ITGAL: variants seen among roughly 807,000 people sequenced by gnomAD.
ITGAL encodes the protein integrin alpha-L.
In ITGAL, 68 loss-of-function variants were observed where a neutral mutation model predicts 138.4. That is an observed-to-expected ratio of 0.49 (90% CI 0.40 to 0.60). The LOEUF (loss-of-function observed/expected upper bound fraction) is 0.60. Among genes scored for constraint, ITGAL ranks in the 20% least tolerant of loss-of-function variants. The pLI, the probability that ITGAL is intolerant of heterozygous loss-of-function variation, is 0.00. For synonymous variants in ITGAL, 561 were observed against 584.3 expected (o/e 0.96, Z 0.57); for missense variants, 1,256 against 1,478.6 (o/e 0.85, Z 2.47).
At position 30,521,642 on chromosome 16, in the gene ITGAL, G is replaced by T; in HGVS notation, c.3490G>T (p.Glu1164Ter). ...GAAGCCCCTCCATGAGAAGGACTCT[G>T]AGAGTGGTGGTGGCAAGGACTGAGT... Reference protein sequence around the residue: ...CLKPLHEKDSESGGGKD With the variant: ...CLKPLHEKDS The change falls in exon 31 of 31, where the codon GAG (glutamate) becomes TAG (stop). Residue 1164 changes from glutamate to a stop codon, truncating the protein, a stop_gained. Coordinates refer to ENST00000356798, the MANE Select transcript of ITGAL (RefSeq NM_002209.3). LOFTEE classifies it high-confidence loss of function. 3 of 1,614,044 alleles carry T rather than the reference G, an allele frequency of 1.9e-6. No homozygotes were observed. Among genetic ancestry groups the T allele is most frequent in the Non-Finnish European group, 2.5e-6 (3 of 1,180,034 alleles).
intron 9 of ITGAL, 112 bp downstream of exon 9, chr16:30,484,375 G>A (rs1056681455): frequency 3.5e-5 from 34 of 975,336 alleles, no homozygotes; most frequent in Admixed American, 1.2e-4. Flanking sequence ...TTGGGAGGCC[G>A]AGGCAGGTGG....
chr16:30,505,403 G>T lies in ITGAL; in HGVS notation c.2307G>T (p.Lys769Asn). The T allele has an allele frequency of 6.2e-7, 1 of 1,614,098 alleles. No homozygotes were observed. Among genetic ancestry groups the T allele is most frequent in the African/African-American group, 1.3e-5 (1 of 75,044 alleles). Residue 769 changes from lysine to asparagine, a missense_variant, in exon 20 of 31, where the codon AAG becomes AAT. Physicochemically the swap from Lys to Asn is moderately conservative, Grantham distance 94. Around this residue, in one of 3 missense-constraint regions of ITGAL, gnomAD observed 867 missense variants for 972.5 expected, o/e 0.89. Coordinates refer to ENST00000356798, the MANE Select transcript of ITGAL (RefSeq NM_002209.3). ...TGGTGTTTCAGATCCCTTTTGAGAAGAACTGTGGGGAGGACAAGAAGTGTG... is the reference window on the plus strand; with the variant it reads ...TGGTGTTTCAGATCCCTTTTGAGAATAACTGTGGGGAGGACAAGAAGTGTG... Reference protein sequence around the residue: ...HSETWEIPFEKNCGEDKKCEA... With the variant: ...HSETWEIPFENNCGEDKKCEA...
intron 11 of ITGAL, among the ~76,000 whole-genome samples, chr16:30,492,290 G>A (rs370673326): frequency 5.6e-5 from 8 of 142,328 alleles, no homozygotes; most frequent in South Asian, 2.2e-4. Flanking sequence ...TCTCTCTGTC[G>A]CCCAGGCTGG....
At chr16:30,490,951 CAG>C (rs1201532153) in intron 11 of ITGAL, among the ~76,000 whole-genome samples, 5 of 143,952 alleles carry the variant, frequency 3.5e-5, no homozygotes, top group Non-Finnish European at 7.5e-5. Context: ...GCCTGGGTGA[CAG>C]AGAGAGACTT....
intron 20 of ITGAL, among the ~76,000 whole-genome samples, chr16:30,505,969 T>C (rs1202101240): frequency 6.6e-6 from 1 of 152,084 alleles, no homozygotes; most frequent in Admixed American, 6.6e-5. Context: ...AAACTGAAAG[T>C]CTGAGCATGG....
intron 17 of ITGAL, among the ~76,000 whole-genome samples, chr16:30,502,169 G>A (rs1382394450): frequency 1.3e-5 from 2 of 152,212 alleles, no homozygotes; most frequent in Admixed American, 6.5e-5. Context: ...AGGCCAAGGT[G>A]GGCGGATCAC....
At chr16:30,504,012 T>A (rs745668971) in intron 17 of ITGAL, 163 bp from the exon 18 acceptor site, 2 of 607,904 alleles carry the variant, frequency 3.3e-6, no homozygotes, top group African/African-American at 1.9e-5. Context: ...GGGTGTGCTG[T>A]ACACACCTGC....
intron 11 of ITGAL, among the ~76,000 whole-genome samples, chr16:30,493,897 A>C: frequency 6.6e-6 from 1 of 152,092 alleles, no homozygotes; most frequent in East Asian, 1.9e-4. Context: ...GTCTCTAAAA[A>C]AGAAGAAAGA....
At chr16:30,497,913 C>T (rs2050826363) in intron 15 of ITGAL, among the ~76,000 whole-genome samples, 1 of 151,236 alleles carries the variant, frequency 6.6e-6, no homozygotes, top group South Asian at 2.1e-4. Flanking sequence ...TGCCACTGTA[C>T]TCCAGCCTGA....
intron 13 of ITGAL, among the ~76,000 whole-genome samples, chr16:30,495,385 C>T (rs2050785215): frequency 1.3e-5 from 2 of 152,152 alleles, no homozygotes; most frequent in African/African-American, 2.4e-5. Flanking sequence ...GTCTCTAATC[C>T]TGACCTCAGG....
At chr16:30,483,758 G>GC in intron 7 of ITGAL, 69 bp from the exon 8 acceptor site, 1 of 1,501,998 alleles carries the variant, frequency 6.7e-7, no homozygotes, top group Non-Finnish European at 9.0e-7. Context: ...GACTTGATGA[G>GC]CAGGTGGGGA....
At chr16:30,513,977 G>C in intron 25 of ITGAL, 131 bp downstream of exon 25, 1 of 701,354 alleles carries the variant, frequency 1.4e-6, no homozygotes, top group Non-Finnish European at 2.5e-6. Flanking sequence ...CCTTTCTCTA[G>C]AGTGTCACAG....
At chr16:30,505,506 T>G (rs201453324) in intron 20 of ITGAL, 44 bp downstream of exon 20, 2 of 1,421,828 alleles carry the variant, frequency 1.4e-6, no homozygotes, top group Non-Finnish European at 2.0e-6. Flanking sequence ...CCACTCTGTT[T>G]TAAGACCCCC....
At chr16:30,474,390 T>C in intron 2 of ITGAL, 92 bp downstream of exon 2, 1 of 853,368 alleles carries the variant, frequency 1.2e-6, no homozygotes. Flanking sequence ...CCTGGGCTAG[T>C]CGGTGGCACG....
intron 24 of ITGAL, among the ~76,000 whole-genome samples, chr16:30,513,124 G>T (rs936396984): frequency 6.6e-6 from 1 of 152,202 alleles, no homozygotes; most frequent in African/African-American, 2.4e-5. Context: ...CTTGGACTGG[G>T]GTCTGGAGGA....
intron 7 of ITGAL, 73 bp downstream of exon 7, chr16:30,481,657 G>A: frequency 2.8e-6 from 4 of 1,451,070 alleles, no homozygotes; most frequent in Non-Finnish European, 3.8e-6. Context: ...CCAGCTGCAG[G>A]GCATGGGAAC....
intron 6 of ITGAL, chr16:30,480,676 T>C (rs2050539508): frequency 6.6e-6 from 1 of 152,188 alleles, no homozygotes; most frequent in Admixed American, 6.6e-5. Context: ...GAGGCAAGGA[T>C]GTGGAGTTGG....
chr16:30,517,929 G>A (rs1597110293), intron 28 of ITGAL, 34 bp downstream of exon 28: 1 of 1,600,490 alleles, frequency 6.2e-7, no homozygotes, highest in Non-Finnish European at 8.6e-7. Flanking sequence ...TGGAGCTGCT[G>A]TGGGGGCCCC....
At chr16:30,506,456 G>A (rs1447017181) in intron 20 of ITGAL, among the ~76,000 whole-genome samples, 1 of 149,342 alleles carries the variant, frequency 6.7e-6, no homozygotes, top group Non-Finnish European at 1.5e-5. Flanking sequence ...CTACTCGGGA[G>A]GTTGAGGCAG....
Sources: gnomAD v4.1 joint callset for allele counts (sites outside exome capture counted in the v4.1 genomes callset) on GRCh38, gnomAD v4.1.1 for gene constraint, gnomAD v4.1.1 regional missense constraint, MANE v1.5 for transcripts, NCBI Gene and HGNC (gene_info 2026-07-23, HGNC 2026-07-21) for gene names.